The following DAB1 variants were observed in gnomAD, a reference collection of about 807,000 sequenced individuals.
DAB1 encodes the protein DAB adaptor protein 1, also known as disabled homolog 1.
In DAB1, 15 loss-of-function variants were observed where a neutral mutation model predicts 64.6. The ratio of observed to expected loss-of-function variants is 0.23; its 90% CI spans 0.16 to 0.36. The LOEUF is 0.36. Among genes scored for constraint, DAB1 ranks in the 10% least tolerant of loss-of-function variants. DAB1 has a pLI of 1.00. For synonymous variants in DAB1, 235 were observed against 251.9 expected (o/e 0.93, Z 0.64); for missense variants, 596 against 706.7 (o/e 0.84, Z 1.78).
At chr1:57,337,846 T>C (rs1677206624) in intron 1 of DAB1, among the ~76,000 whole-genome samples, 1 of 151,136 alleles carries the variant, frequency 6.6e-6, no homozygotes, top group African/African-American at 2.4e-5. Flanking sequence ...TCCCTTTCCT[T>C]TTCCCTTTCC....
intron 6 of DAB1, among the ~76,000 whole-genome samples, chr1:57,807,814 A>G (rs1651436620): frequency 6.6e-6 from 1 of 152,016 alleles, no homozygotes; most frequent in African/African-American, 2.4e-5. Flanking sequence ...CTCCTCCCTC[A>G]GCCTATTCAA....
intron 1 of DAB1, among the ~76,000 whole-genome samples, chr1:57,334,212 C>T (rs1257690055): frequency 2.0e-5 from 3 of 152,208 alleles, no homozygotes; most frequent in Non-Finnish European, 4.4e-5. Flanking sequence ...TCACGGAGGA[C>T]TTCATCTAAA....
chr1:57,390,394 G>A (rs981430480), intron 1 of DAB1, among the ~76,000 whole-genome samples: 12 of 152,112 alleles, frequency 7.9e-5, no homozygotes, highest in Admixed American at 1.3e-4. Context: ...TAATGTCTAC[G>A]AAAATATTTT....
intron 14 of DAB1, among the ~76,000 whole-genome samples, chr1:57,007,420 C>T (rs186730722): frequency 6.6e-6 from 1 of 152,190 alleles, no homozygotes; most frequent in Non-Finnish European, 1.5e-5. Flanking sequence ...CCTGCCATTC[C>T]CATACCAGTC....
chr1:57,737,992 A>C (rs957013312), intron 6 of DAB1, among the ~76,000 whole-genome samples: 5 of 152,274 alleles, frequency 3.3e-5, no homozygotes, highest in South Asian at 2.1e-4. Flanking sequence ...TCTGCTGTGG[A>C]ATATCATGGG....
At chr1:58,054,619 T>C (rs1647931687) in intron 5 of DAB1, among the ~76,000 whole-genome samples, 1 of 152,220 alleles carries the variant, frequency 6.6e-6, no homozygotes, top group African/African-American at 2.4e-5. Flanking sequence ...ATAAAACTGC[T>C]TGGTCTCACA....
At chr1:57,153,429 G>A (rs963303348) in intron 2 of DAB1, among the ~76,000 whole-genome samples, 2 of 152,162 alleles carry the variant, frequency 1.3e-5, no homozygotes, top group Admixed American at 1.3e-4. Flanking sequence ...AGATTATCTT[G>A]CATAACCCGG....
At chr1:58,130,534 T>A (rs1462245614) in intron 5 of DAB1, among the ~76,000 whole-genome samples, 1 of 152,144 alleles carries the variant, frequency 6.6e-6, no homozygotes, top group Non-Finnish European at 1.5e-5. Context: ...CGTTAGTTGA[T>A]GCAGTTTCTT....
chr1:57,384,350 G>A lies in DAB1; in HGVS notation c.-137+39580C>T, dbSNP rs148216013. Among the ~76,000 whole-genome samples, 61 of 152,224 alleles carry A rather than the reference G, an allele frequency of 4.0e-4. 1 individual carries two copies. The highest frequency in any genetic ancestry group is 1.4e-3 in the East Asian group (7 of 5,178). On this transcript the variant is annotated intron_variant, in intron 1 of 14. Transcript: ENST00000371236. ...CAGCCACTATGGAAAACAGTATGAC[G>A]GTTCCGCAAAAAGGTAAACATAGAA...
chr1:57,204,451 TAAA>T (rs10548857), intron 2 of DAB1, among the ~76,000 whole-genome samples: 117 of 127,578 alleles, frequency 9.2e-4, no homozygotes, highest in East Asian at 1.9e-3. Flanking sequence ...GGTCTAGATT[TAAA>T]AAAAAAAAAA....
At chr1:57,722,968 T>C (rs1331253900) in intron 6 of DAB1, among the ~76,000 whole-genome samples, 1 of 152,150 alleles carries the variant, frequency 6.6e-6, no homozygotes, top group Non-Finnish European at 1.5e-5. Flanking sequence ...ATCATTTCAG[T>C]GCACTCTGTG....
chr1:57,725,797 G>A (rs1429391054), intron 6 of DAB1, among the ~76,000 whole-genome samples: 1 of 151,808 alleles, frequency 6.6e-6, no homozygotes, highest in Non-Finnish European at 1.5e-5. Context: ...TGTTGCCTAG[G>A]CTGGAGTGCG....
At chr1:57,731,155 T>G (rs549277086) in intron 6 of DAB1, among the ~76,000 whole-genome samples, 1 of 152,302 alleles carries the variant, frequency 6.6e-6, no homozygotes, top group Admixed American at 6.5e-5. Flanking sequence ...GCAAGGAAAT[T>G]TTGAGACAAG....
chr1:57,814,776 T>C (rs964480958), intron 6 of DAB1, among the ~76,000 whole-genome samples: 5 of 152,190 alleles, frequency 3.3e-5, no homozygotes, highest in African/African-American at 9.6e-5. Flanking sequence ...GAGGTTTCCT[T>C]GAAGGACCAC....
intron 2 of DAB1, among the ~76,000 whole-genome samples, chr1:57,242,066 A>G (rs1422869681): frequency 6.6e-6 from 1 of 152,194 alleles, no homozygotes; most frequent in Non-Finnish European, 1.5e-5. Context: ...GTTTTAGACT[A>G]GAAACTAGAC....
At chr1:58,493,879 G>T (rs910665462) in intron 3 of DAB1, among the ~76,000 whole-genome samples, 24 of 151,364 alleles carry the variant, frequency 1.6e-4, no homozygotes, top group Middle Eastern at 3.4e-3. Context: ...TCCCCATCAA[G>T]CTACCAATGA....
chr1:58,266,939 G>A (rs759122805), intron 4 of DAB1, among the ~76,000 whole-genome samples: 1 of 152,088 alleles, frequency 6.6e-6, no homozygotes, highest in Non-Finnish European at 1.5e-5. Context: ...ATTCAAGTAG[G>A]CTGGGCGCGG....
At chr1:57,208,097 A>G (rs887376600) in intron 2 of DAB1, among the ~76,000 whole-genome samples, 12 of 152,212 alleles carry the variant, frequency 7.9e-5, no homozygotes, top group African/African-American at 2.7e-4. Flanking sequence ...TGAGGAAACG[A>G]TATAAGAAAG....
chr1:57,106,257 A>ACCCCCCCC (rs10658621), intron 4 of DAB1, among the ~76,000 whole-genome samples: 2 of 138,652 alleles, frequency 1.4e-5, no homozygotes, highest in African/African-American at 5.5e-5. Flanking sequence ...TCCCCCTAAC[A>ACCCCCCCC]CCCCCCCCCA....
Sources: allele counts gnomAD v4.1 joint callset (sites outside exome capture counted in the v4.1 genomes callset), GRCh38; gene constraint gnomAD v4.1.1; transcripts MANE v1.5; gene names NCBI Gene and HGNC (gene_info 2026-07-23, HGNC 2026-07-21).